Variants in UPRT observed in about 807,000 individuals in gnomAD.
The protein encoded by UPRT is uracil phosphoribosyltransferase homolog.
A neutral mutation model predicts 22.6 loss-of-function variants in UPRT; 5 were observed. That is an observed-to-expected ratio of 0.22 (90% CI 0.12 to 0.47). The LOEUF (loss-of-function observed/expected upper bound fraction) is 0.47. Among genes scored for constraint, UPRT ranks in the 20% least tolerant of loss-of-function variants. The pLI is 0.99. For synonymous variants in UPRT, 77 were observed against 87.7 expected (o/e 0.88, Z 0.68); for missense variants, 181 against 239.9 (o/e 0.75, Z 1.62).
chrX:75,172,417 G>C (rs1366989403), intron 4 of UPRT, among the ~76,000 whole-genome samples: 1 of 111,549 alleles, frequency 9.0e-6, no homozygotes, highest in Non-Finnish European at 1.9e-5. Context: ...CCAAAAGGTC[G>C]GTCTGACTCC....
Position 75,304,494 on chromosome X carries a change from C to A in UPRT, c.*983C>A, listed in dbSNP as rs763350522. 1 of 111,816 alleles carries A rather than the reference C, an allele frequency of 8.9e-6. No individual in the cohort carries two copies. The highest frequency in any genetic ancestry group is 3.2e-5 in the African/African-American group (1 of 30,816). The allele number at this position is 111,816 out of a possible 1,213,427, so 9.2% of individuals were successfully genotyped here. On this transcript the variant is annotated 3_prime_UTR_variant, in exon 7 of 7. Coordinates refer to ENST00000373383, the MANE Select transcript of UPRT (RefSeq NM_145052.4). ...AGATTTGTATATGTTCATCTTTAGG[C>A]TTCTGAAAGGGAGAGAAATCATATT...
At chrX:75,195,083 G>A (rs190797685) in intron 4 of UPRT, among the ~76,000 whole-genome samples, 210 of 111,820 alleles carry the variant, frequency 1.9e-3, no homozygotes, top group African/African-American at 6.2e-3. Context: ...ACAGACACCA[G>A]CTAAGCAGTG....
chrX:75,276,768 A>G (rs2082633221), intron 1 of UPRT, among the ~76,000 whole-genome samples: 1 of 111,628 alleles, frequency 9.0e-6, no homozygotes, highest in Non-Finnish European at 1.9e-5. Context: ...CAAGAATTTA[A>G]AGTGTATAAT....
At chrX:75,256,103 A>G (rs1193060519) in intron 4 of UPRT, among the ~76,000 whole-genome samples, 2 of 112,046 alleles carry the variant, frequency 1.8e-5, no homozygotes, top group African/African-American at 6.5e-5. Context: ...AAGATAGACC[A>G]TATGATAAGC....
At chrX:75,189,984 G>A (rs1184260450) in intron 4 of UPRT, among the ~76,000 whole-genome samples, 2 of 111,697 alleles carry the variant, frequency 1.8e-5, no homozygotes, top group African/African-American at 3.3e-5. Context: ...TACATTTAAG[G>A]TTAATATTGT....
intron 1 of UPRT, chrX:75,285,551 C>T (rs1419533430): frequency 8.9e-6 from 1 of 111,901 alleles, no homozygotes; most frequent in Non-Finnish European, 1.9e-5. Flanking sequence ...CTCCCACAAA[C>T]AGACCTTCAG....
At chrX:75,251,489 G>A (rs1372086984) in intron 4 of UPRT, among the ~76,000 whole-genome samples, 2 of 110,923 alleles carry the variant, frequency 1.8e-5, no homozygotes, top group Non-Finnish European at 3.8e-5. Context: ...AAAATACCTA[G>A]GAATCCAACT....
chrX:75,173,763 C>T (rs1025571155), intron 4 of UPRT, among the ~76,000 whole-genome samples: 2 of 111,637 alleles, frequency 1.8e-5, no homozygotes, highest in East Asian at 2.8e-4. Flanking sequence ...AGCTAAGGCT[C>T]GGTGAGAAAT....
intron 4 of UPRT, among the ~76,000 whole-genome samples, chrX:75,298,547 A>G (rs904767832): frequency 4.5e-5 from 5 of 111,889 alleles, no homozygotes; most frequent in African/African-American, 1.3e-4. Context: ...TTTTTTTTGC[A>G]TAAGTGGTAG....
At chrX:75,296,705 A>C (rs2082726980) in intron 3 of UPRT, among the ~76,000 whole-genome samples, 2 of 111,777 alleles carry the variant, frequency 1.8e-5, no homozygotes, top group Non-Finnish European at 3.8e-5. Context: ...AATTGCTGGC[A>C]GCTTATCTTC....
chrX:75,206,709 G>C (rs962871560), intron 4 of UPRT, among the ~76,000 whole-genome samples: 1 of 110,286 alleles, frequency 9.1e-6, no homozygotes, highest in African/African-American at 3.3e-5. Flanking sequence ...CTGTTGCCCA[G>C]ACTGGAGTGC....
chrX:75,235,735 C>G (rs1038117105), intron 4 of UPRT, among the ~76,000 whole-genome samples: 13 of 111,669 alleles, frequency 1.2e-4, no homozygotes, highest in African/African-American at 3.6e-4. Context: ...AGGCCTTTGA[C>G]AAAATTCAAC....
At chrX:75,170,140 G>A (rs1287281203) in intron 4 of UPRT, among the ~76,000 whole-genome samples, 2 of 106,640 alleles carry the variant, frequency 1.9e-5, no homozygotes, top group African/African-American at 3.4e-5. Context: ...GGGTTCAAGC[G>A]ATTCTCCTGC....
intron 4 of UPRT, among the ~76,000 whole-genome samples, chrX:75,231,883 C>T (rs1439279347): frequency 8.9e-6 from 1 of 112,124 alleles, no homozygotes; most frequent in Non-Finnish European, 1.9e-5. Context: ...TTCTCAGACA[C>T]ACAAATGCTA....
At chrX:75,178,048 G>A (rs1338584361) in intron 4 of UPRT, among the ~76,000 whole-genome samples, 1 of 112,281 alleles carries the variant, frequency 8.9e-6, no homozygotes, top group Non-Finnish European at 1.9e-5. Context: ...CATGGCCGCA[G>A]GGTCAACCAA....
chrX:75,248,415 C>T (rs1343205604), intron 4 of UPRT, among the ~76,000 whole-genome samples: 1 of 111,911 alleles, frequency 8.9e-6, no homozygotes, highest in Non-Finnish European at 1.9e-5. Context: ...GACAAATGCA[C>T]AACTCTCAGT....
intron 4 of UPRT, among the ~76,000 whole-genome samples, chrX:75,253,924 G>C (rs1305287220): frequency 1.8e-5 from 2 of 111,590 alleles, no homozygotes; most frequent in African/African-American, 6.5e-5. Context: ...TGAGCTCCCT[G>C]GGTAAACTAG....
rs1203909594 is a variant in UPRT, at chrX:75,304,774, T to C, written c.*1263T>C. 2.7e-5 allele frequency among the ~76,000 whole-genome samples: 3 copies of C among 110,263 alleles called. No homozygotes were observed. The highest frequency in any genetic ancestry group is 5.7e-5 in the Non-Finnish European group (3 of 52,475). ...AGGAAGCCTGGTGTAGATTGGATTA[T>C]ATTTTTCCTTTGGGGACTAGAATAC... is the stretch of plus-strand genomic sequence containing the variant. On this transcript the variant is annotated 3_prime_UTR_variant, in exon 7 of 7. Transcript: ENST00000373383.
intron 1 of UPRT, among the ~76,000 whole-genome samples, chrX:75,290,722 A>T (rs1486305963): frequency 9.0e-6 from 1 of 110,992 alleles, no homozygotes; most frequent in African/African-American, 3.3e-5. Flanking sequence ...GCATGTTCTC[A>T]CTTATAAATG....
Sources: gnomAD v4.1 joint callset for allele counts (sites outside exome capture counted in the v4.1 genomes callset) on GRCh38, gnomAD v4.1.1 for gene constraint, MANE v1.5 for transcripts, NCBI Gene and HGNC (gene_info 2026-07-23, HGNC 2026-07-21) for gene names.